The following ZNF398 variants were observed in gnomAD, a reference collection of about 807,000 sequenced individuals.
The protein encoded by ZNF398 is zinc finger protein 398.
Under a neutral mutation model 41.9 loss-of-function variants are expected in ZNF398, and 18 were observed. The observed-to-expected ratio is 0.43, with a 90% CI of 0.30 to 0.64. The LOEUF (loss-of-function observed/expected upper bound fraction) is 0.64, where lower values mean the gene tolerates loss of function less well. ZNF398 is among the 30% of genes least tolerant of loss of function. ZNF398 has a pLI of 0.14. For synonymous variants in ZNF398, 260 were observed against 308.8 expected (o/e 0.84, Z 1.66); for missense variants, 669 against 822.8 (o/e 0.81, Z 2.29).
intron 4 of ZNF398, among the ~76,000 whole-genome samples, chr7:149,167,661 G>T (rs554926808): frequency 1.4e-5 from 2 of 137,948 alleles, no homozygotes; most frequent in South Asian, 4.5e-4. Context: ...TTGAGACGGA[G>T]TCTTGCTCAT....
At chr7:149,161,153 C>A (rs911104188) in intron 2 of ZNF398, among the ~76,000 whole-genome samples, 3 of 152,216 alleles carry the variant, frequency 2.0e-5, no homozygotes, top group Non-Finnish European at 2.9e-5. Context: ...CCCTCCTCCT[C>A]TTTGCTCTGG....
At chr7:149,142,524 G>A (rs186154406), upstream of ZNF398, among the ~76,000 whole-genome samples, 1,660 of 152,230 alleles carry the variant, frequency 0.011, 29 homozygotes, top group African/African-American at 0.037. Flanking sequence ...AAAATTAGCC[G>A]GGCGTGGTGG....
rs190190893 is a variant in ZNF398, at chr7:149,164,263, C to T, written c.421-1895C>T. On this transcript the variant is annotated intron_variant, in intron 2 of 5. Transcript: ENST00000475153. Reference sequence around the variant, plus strand: ...TCTACTAAAAATACAAAAAATTAGCCGGGCGTGGTGGTGGGCGCCTGTAGT... The same window carrying T: ...TCTACTAAAAATACAAAAAATTAGCTGGGCGTGGTGGTGGGCGCCTGTAGT... Among the ~76,000 whole-genome samples the T allele has an allele frequency of 2.2e-3, 333 of 151,488 alleles. 1 individual carries two copies. The highest frequency in any genetic ancestry group is 3.9e-3 in the Non-Finnish European group (268 of 67,900).
At chr7:149,141,348 T>G (rs1826819732) in intron 2 of ZNF398, among the ~76,000 whole-genome samples, 1 of 151,188 alleles carries the variant, frequency 6.6e-6, no homozygotes, top group Non-Finnish European at 1.5e-5. Flanking sequence ...CAGGCTGGAA[T>G]GCAATGGCAC....
At chr7:149,153,403 T>C (rs978501604) in intron 1 of ZNF398, among the ~76,000 whole-genome samples, 7 of 152,186 alleles carry the variant, frequency 4.6e-5, no homozygotes, top group African/African-American at 7.2e-5. Context: ...AGTAACATAG[T>C]GTAAGATGAA....
At chr7:149,166,110 T>A (rs561311769) in intron 2 of ZNF398, 48 bp from the exon 3 acceptor site, 127 of 1,551,062 alleles carry the variant, frequency 8.2e-5, no homozygotes, top group Admixed American at 5.5e-4. Flanking sequence ...ATTTATTGAA[T>A]GACTGAATTA....
At chr7:149,167,511 C>T (rs915230961) in intron 4 of ZNF398, among the ~76,000 whole-genome samples, 27 of 152,280 alleles carry the variant, frequency 1.8e-4, no homozygotes, top group African/African-American at 6.3e-4. Flanking sequence ...AATTCTCATA[C>T]ACTTTTTTGT....
intron 2 of ZNF398, among the ~76,000 whole-genome samples, chr7:149,163,132 C>T (rs1039112990): frequency 7.9e-5 from 12 of 152,186 alleles, no homozygotes; most frequent in African/African-American, 2.9e-4. Context: ...AAAAATGTCA[C>T]GTAAACTGTA....
At chr7:149,151,361 C>A in intron 1 of ZNF398, 2 of 748,842 alleles carry the variant, frequency 2.7e-6, no homozygotes, top group South Asian at 2.4e-5. Context: ...CAGGAACGGG[C>A]AGATACCAGG....
intron 2 of ZNF398, among the ~76,000 whole-genome samples, chr7:149,157,731 G>A (rs541320029): frequency 5.9e-5 from 9 of 152,058 alleles, no homozygotes; most frequent in Non-Finnish European, 1.2e-4. Context: ...CCAGCTACTT[G>A]GGAGGCTGAG....
At position 149,154,195 on chromosome 7, in the gene ZNF398, T is replaced by C; in HGVS notation, c.275T>C (p.Leu92Pro). The change falls in exon 2 of 6, where the codon CTG becomes CCG. Residue 92 changes from leucine to proline, a missense_variant. Transcript: ENST00000475153. Reference sequence around the variant, plus strand: ...ACAGTTACCGAGCTTGGGAACCAGCTGGAGGGCAAGTGGGCCGTGCTGGGA... The same window carrying C: ...ACAGTTACCGAGCTTGGGAACCAGCCGGAGGGCAAGTGGGCCGTGCTGGGA... ...EKTVTELGNQ[L>P]EGKWAVLGTL... 2 of 1,614,172 alleles carry C rather than the reference T, an allele frequency of 1.2e-6. No individual in the cohort carries two copies. Among genetic ancestry groups the C allele is most frequent in the Non-Finnish European group, 1.7e-6 (2 of 1,180,040 alleles).
At chr7:149,151,246 G>T (rs13247679) in intron 1 of ZNF398, 60,530 of 1,245,982 alleles carry the variant, frequency 0.049, 1,565 homozygotes, top group African/African-American at 0.062. Flanking sequence ...GAGAAAGAAT[G>T]ATTGGACTGA....
intron 2 of ZNF398, among the ~76,000 whole-genome samples, chr7:149,131,674 G>C (rs1379224780): frequency 6.6e-6 from 1 of 152,146 alleles, no homozygotes; most frequent in African/African-American, 2.4e-5. Context: ...CAACAAGAGT[G>C]AGACTCTGCC....
intron 2 of ZNF398, among the ~76,000 whole-genome samples, chr7:149,133,791 G>A (rs1278956624): frequency 7.0e-6 from 1 of 143,676 alleles, no homozygotes; most frequent in Non-Finnish European, 1.5e-5. Flanking sequence ...TTTTGCCCTT[G>A]TGCAAGCTGG....
intron 5 of ZNF398, among the ~76,000 whole-genome samples, chr7:149,178,299 A>G (rs1388688910): frequency 1.3e-5 from 2 of 152,042 alleles, no homozygotes; most frequent in Non-Finnish European, 2.9e-5. Context: ...CTCAAAAAAA[A>G]AAAATTACCT....
chr7:149,179,696 A>G lies in ZNF398; in HGVS notation c.1824A>G (p.Pro608=). 3.1e-6 allele frequency: 5 copies of G among 1,614,246 alleles called. No individual in the cohort carries two copies. The highest frequency in any genetic ancestry group is 4.2e-6 in the Non-Finnish European group (5 of 1,180,038). Residue 608 remains proline (P), a synonymous_variant, in exon 6 of 6, where the codon CCA becomes CCG. Transcript: ENST00000475153. This position sits in a 1 kb window ranked among gnomAD's most constrained non-coding sequence, Gnocchi z 6.1. ...CATCAGGTCAGCCACCCAACCCACC[A>G]GGTCCCCTCATAACTGGGCTTGAAA... ...SDPSGQPPNP[P]GPLITGLETS... is the part of the protein sequence containing the mutation.
intron 2 of ZNF398, among the ~76,000 whole-genome samples, chr7:149,159,521 G>A (rs1277063654): frequency 2.6e-5 from 4 of 151,622 alleles, no homozygotes; most frequent in African/African-American, 7.3e-5. Flanking sequence ...GGTGGCGGGT[G>A]CCTGTAGTCC....
intron 2 of ZNF398, among the ~76,000 whole-genome samples, chr7:149,138,534 C>G (rs558634659): frequency 1.3e-5 from 2 of 152,262 alleles, no homozygotes; most frequent in South Asian, 2.1e-4. Context: ...GAGCCGAGAT[C>G]GTGCCACTGC....
chr7:149,166,386 C>T, intron 3 of ZNF398, 102 bp downstream of exon 3: 3 of 1,447,000 alleles, frequency 2.1e-6, no homozygotes, highest in Non-Finnish European at 2.9e-6. Context: ...TCTGTCTTCA[C>T]ACACTTCAAA....
Sources: gnomAD v4.1 joint callset for allele counts (sites outside exome capture counted in the v4.1 genomes callset) on GRCh38, gnomAD v4.1.1 for gene constraint, Gnocchi (gnomAD v3.1) non-coding constraint, MANE v1.5 for transcripts, NCBI Gene and HGNC (gene_info 2026-07-23, HGNC 2026-07-21) for gene names.